The following TOM1L2 variants were observed in gnomAD, a reference collection of about 807,000 sequenced individuals.
TOM1L2 encodes TOM1-like protein 2.
In TOM1L2, 31 loss-of-function variants were observed where a neutral mutation model predicts 67.9. The ratio of observed to expected loss-of-function variants is 0.46; its 90% confidence interval spans 0.34 to 0.62. The LOEUF (loss-of-function observed/expected upper bound fraction) is 0.62, where lower values mean the gene tolerates loss of function less well. Among genes scored for constraint, TOM1L2 ranks in the 20% least tolerant of loss-of-function variants. TOM1L2 has a pLI of 0.01. For missense variants in TOM1L2, 606 were observed against 663.5 expected (o/e 0.91, Z 0.95); for synonymous variants, 256 against 254.0 (o/e 1.01, Z -0.07).
At chr17:17,918,426 C>T (rs539084668) in intron 1 of TOM1L2, among the ~76,000 whole-genome samples, 11 of 152,252 alleles carry the variant, frequency 7.2e-5, no homozygotes, top group Admixed American at 5.9e-4. Flanking sequence ...TGGTGAAAGG[C>T]AGCATCGTTG....
At chr17:17,899,397 T>C (rs931730472) in intron 2 of TOM1L2, among the ~76,000 whole-genome samples, 1 of 152,218 alleles carries the variant, frequency 6.6e-6, no homozygotes, top group African/African-American at 2.4e-5. Flanking sequence ...GATTCCCAGA[T>C]AAAATCTTGC....
At chr17:17,915,061 T>C (rs915321371) in intron 1 of TOM1L2, among the ~76,000 whole-genome samples, 1 of 152,126 alleles carries the variant, frequency 6.6e-6, no homozygotes, top group African/African-American at 2.4e-5. Context: ...AAAACAAGTG[T>C]CACTTCACCA....
At chr17:17,970,311 G>A (rs1246536977) in intron 1 of TOM1L2, among the ~76,000 whole-genome samples, 4 of 151,948 alleles carry the variant, frequency 2.6e-5, no homozygotes, top group East Asian at 1.9e-4. Flanking sequence ...TGATCCGCCC[G>A]CCTCAACCTC....
chr17:17,914,656 C>A (rs564506825), intron 1 of TOM1L2, among the ~76,000 whole-genome samples: 8 of 152,272 alleles, frequency 5.3e-5, no homozygotes, highest in African/African-American at 1.9e-4. Context: ...CATCTGAGGA[C>A]TGACTTTGGT....
intron 1 of TOM1L2, among the ~76,000 whole-genome samples, chr17:17,913,181 CAG>C (rs1205558403): frequency 1.9e-5 from 2 of 103,090 alleles, no homozygotes; most frequent in Non-Finnish European, 4.4e-5. Flanking sequence ...ACCGTGGAAA[CAG>C]AGGGAGAGGG....
At chr17:17,887,271 T>C (rs1042096526) in intron 4 of TOM1L2, among the ~76,000 whole-genome samples, 2 of 152,230 alleles carry the variant, frequency 1.3e-5, no homozygotes, top group Non-Finnish European at 2.9e-5. Flanking sequence ...CTGGATGAGA[T>C]GGCTGCTAAC....
At chr17:17,943,854 C>A (rs73979242) in intron 1 of TOM1L2, among the ~76,000 whole-genome samples, 1,812 of 152,326 alleles carry the variant, frequency 0.012, 33 homozygotes, top group African/African-American at 0.039. Context: ...CCCACGTGAA[C>A]ATCCAGAGCC....
chr17:17,932,531 T>C (rs1305920811), intron 1 of TOM1L2, among the ~76,000 whole-genome samples: 1 of 152,200 alleles, frequency 6.6e-6, no homozygotes, highest in East Asian at 1.9e-4. Context: ...AAAACTGTTT[T>C]ACAAACAGTT....
intron 1 of TOM1L2, among the ~76,000 whole-genome samples, chr17:17,958,014 C>T (rs1385647170): frequency 2.0e-5 from 3 of 151,438 alleles, no homozygotes; most frequent in African/African-American, 7.3e-5. Context: ...GGTGTGAACC[C>T]AGGAGGTGGA....
intron 1 of TOM1L2, among the ~76,000 whole-genome samples, chr17:17,940,361 G>C (rs151244996): frequency 3.3e-5 from 5 of 152,064 alleles, no homozygotes; most frequent in Admixed American, 1.3e-4. Flanking sequence ...AATACTATTA[G>C]AATCATTTTA....
At chr17:17,915,776 C>T (rs2039601824) in intron 1 of TOM1L2, among the ~76,000 whole-genome samples, 1 of 151,926 alleles carries the variant, frequency 6.6e-6, no homozygotes, top group South Asian at 2.1e-4. Flanking sequence ...CTTGCCTTGG[C>T]CCCCCAAAGT....
intron 2 of TOM1L2, among the ~76,000 whole-genome samples, chr17:17,900,539 A>AT (rs1229962806): frequency 6.0e-5 from 9 of 150,278 alleles, no homozygotes; most frequent in African/African-American, 2.0e-4. Context: ...AAAAAAAAAA[A>AT]GAGAGAAAGA....
intron 1 of TOM1L2, among the ~76,000 whole-genome samples, chr17:17,914,341 C>T (rs1248152921): frequency 6.6e-6 from 1 of 152,154 alleles, no homozygotes; most frequent in Admixed American, 6.5e-5. Flanking sequence ...GGAACCTCTG[C>T]CCTCAGTCTT....
Position 17,847,547 on chromosome 17 carries a change from G to T in TOM1L2, c.*88C>A. ...GAAACACAGGTGTGCAGGCCGTGTG[G>T]AGCTGGGGATGTAGGAGTGGCCAGT... On this transcript the variant is annotated 3_prime_UTR_variant, in exon 15 of 15. Transcript: ENST00000379504. 1 of 1,499,720 alleles carries T rather than the reference G, an allele frequency of 6.7e-7. No individual in the cohort carries two copies. Among genetic ancestry groups the T allele is most frequent in the South Asian group, 1.3e-5 (1 of 76,684 alleles). The allele number at this position is 1,499,720 out of a possible 1,614,324, so 92.9% of individuals were successfully genotyped here.
chr17:17,909,397 T>C (rs2039242173), intron 1 of TOM1L2, among the ~76,000 whole-genome samples: 1 of 152,138 alleles, frequency 6.6e-6, no homozygotes, highest in South Asian at 2.1e-4. Context: ...ATACATATAA[T>C]GGATTATTAT....
chr17:17,884,874 T>A, intron 4 of TOM1L2, 106 bp from the exon 5 acceptor site: 2 of 1,452,852 alleles, frequency 1.4e-6, no homozygotes, highest in Non-Finnish European at 1.9e-6. Flanking sequence ...CTCTCCTACT[T>A]GCACATGCAA....
intron 1 of TOM1L2, among the ~76,000 whole-genome samples, chr17:17,942,223 C>G (rs1039607684): frequency 9.2e-5 from 14 of 152,152 alleles, no homozygotes; most frequent in African/African-American, 3.4e-4. Context: ...ACCAGACGAC[C>G]CTGATCTGCC....
chr17:17,851,910 G>GA (rs1339098090), intron 12 of TOM1L2, among the ~76,000 whole-genome samples: 3 of 152,160 alleles, frequency 2.0e-5, no homozygotes, highest in Admixed American at 6.5e-5. Context: ...CAGAGACTCT[G>GA]AAAAATGCAC....
chr17:17,903,354 T>C (rs1240998958), intron 2 of TOM1L2, among the ~76,000 whole-genome samples: 6 of 152,208 alleles, frequency 3.9e-5, no homozygotes, highest in Admixed American at 3.9e-4. Flanking sequence ...CTGGGCGCGG[T>C]GGCTCACGCC....
Sources: allele counts gnomAD v4.1 joint callset (sites outside exome capture counted in the v4.1 genomes callset), GRCh38; gene constraint gnomAD v4.1.1; transcripts MANE v1.5; gene names NCBI Gene and HGNC (gene_info 2026-07-23, HGNC 2026-07-21).